LRRTM3: variants seen among roughly 807,000 people sequenced by gnomAD.
LRRTM3 encodes leucine-rich repeat transmembrane neuronal protein 3.
A neutral mutation model predicts 44.7 loss-of-function variants in LRRTM3; 24 were observed. That is an observed-to-expected ratio of 0.54 (90% CI 0.39 to 0.76). The LOEUF is 0.76. Ranked by LOEUF, LRRTM3 falls within the 30% of genes least tolerant of loss-of-function variation. The pLI is 0.00. For missense variants in LRRTM3, 587 were observed against 702.2 expected, an observed-to-expected ratio of 0.84 and a Z score of 1.85; for synonymous variants, 277 against 278.7, an observed-to-expected ratio of 0.99 and a Z score of 0.06.
At chr10:66,960,134 C>T (rs886341655) in intron 2 of LRRTM3, among the ~76,000 whole-genome samples, 1 of 152,100 alleles carries the variant, frequency 6.6e-6, no homozygotes, top group Non-Finnish European at 1.5e-5. Flanking sequence ...TTTCCTCAAG[C>T]TCTCTGCCTT....
intron 2 of LRRTM3, among the ~76,000 whole-genome samples, chr10:67,010,038 A>G (rs1852224411): frequency 6.6e-6 from 1 of 152,102 alleles, no homozygotes; most frequent in Non-Finnish European, 1.5e-5. Flanking sequence ...CCATTACTAT[A>G]TATCTCTTCC....
At chr10:67,014,375 A>G (rs1279584624) in intron 2 of LRRTM3, among the ~76,000 whole-genome samples, 1 of 152,184 alleles carries the variant, frequency 6.6e-6, no homozygotes, top group Non-Finnish European at 1.5e-5. Context: ...ACTACTGTAT[A>G]CTTCCTAATT....
intron 2 of LRRTM3, among the ~76,000 whole-genome samples, chr10:66,962,604 G>A (rs1026677506): frequency 6.6e-6 from 1 of 151,716 alleles, no homozygotes; most frequent in African/African-American, 2.4e-5. Flanking sequence ...GTAGAGATGG[G>A]ATTTCACCAT....
intron 2 of LRRTM3, among the ~76,000 whole-genome samples, chr10:66,981,191 A>G (rs1589540894): frequency 6.6e-6 from 1 of 152,242 alleles, no homozygotes; most frequent in Non-Finnish European, 1.5e-5. Flanking sequence ...GGCGTGAGCC[A>G]CCGCGCCCAG....
intron 2 of LRRTM3, among the ~76,000 whole-genome samples, chr10:66,981,254 T>A (rs1850424388): frequency 6.6e-6 from 1 of 152,220 alleles, no homozygotes; most frequent in Non-Finnish European, 1.5e-5. Flanking sequence ...CTGACTACAG[T>A]TAAGCATCCT....
At chr10:66,945,085 A>G (rs976936483) in intron 2 of LRRTM3, among the ~76,000 whole-genome samples, 3 of 152,182 alleles carry the variant, frequency 2.0e-5, no homozygotes, top group Non-Finnish European at 4.4e-5. Flanking sequence ...CAGCAGCTGC[A>G]CTAGCCTCTA....
rs142962290 is a variant in LRRTM3 at position 67,010,566 on chromosome 10, C to T, written c.1536+82114C>T. On this transcript the variant is annotated intron_variant, in intron 2 of 2. Coordinates refer to ENST00000361320, the MANE Select transcript of LRRTM3 (RefSeq NM_178011.5). ...AGAAGAAGAGTGGGGGGAGCACTAG[C>T]TACAATCATCCTCTTTTAATAAGAA... Among the ~76,000 whole-genome samples the T allele has an allele frequency of 2.2e-3, 328 of 152,266 alleles. 1 individual carries two copies. Among genetic ancestry groups the T allele is most frequent in the African/African-American group, 7.4e-3 (307 of 41,570 alleles).
intron 1 of LRRTM3, 31 bp from the exon 2 acceptor site, chr10:66,926,890 G>A (rs757898020): frequency 1.3e-6 from 2 of 1,523,186 alleles, no homozygotes; most frequent in South Asian, 1.3e-5. Flanking sequence ...TTTTTGGGGG[G>A]ATAACTTTTC....
chr10:67,023,299 A>G (rs1328368405), intron 2 of LRRTM3, among the ~76,000 whole-genome samples: 1 of 152,134 alleles, frequency 6.6e-6, no homozygotes, highest in African/African-American at 2.4e-5. Context: ...AACTGCTGAA[A>G]AGGTTCTATG....
intron 2 of LRRTM3, among the ~76,000 whole-genome samples, chr10:66,943,649 A>T (rs1220536018): frequency 6.6e-6 from 1 of 152,298 alleles, no homozygotes; most frequent in East Asian, 1.9e-4. Flanking sequence ...TCAAGAATTA[A>T]ACATGCTACT....
intron 2 of LRRTM3, among the ~76,000 whole-genome samples, chr10:66,944,199 G>A (rs768346720): frequency 1.3e-5 from 2 of 152,104 alleles, no homozygotes; most frequent in Admixed American, 6.5e-5. Context: ...CATCAAATAA[G>A]TTTATAAGTT....
chr10:66,936,834 C>T (rs1847728873), intron 2 of LRRTM3, among the ~76,000 whole-genome samples: 1 of 152,132 alleles, frequency 6.6e-6, no homozygotes, highest in South Asian at 2.1e-4. Flanking sequence ...AGCAGGATTA[C>T]TGTCCCTTCC....
At chr10:66,985,464 G>T (rs916554659) in intron 2 of LRRTM3, among the ~76,000 whole-genome samples, 1 of 152,104 alleles carries the variant, frequency 6.6e-6, no homozygotes, top group Non-Finnish European at 1.5e-5. Flanking sequence ...GGAGCTGGCA[G>T]GGAGGATCCA....
intron 2 of LRRTM3, among the ~76,000 whole-genome samples, chr10:67,040,362 A>C (rs1423712577): frequency 6.6e-6 from 1 of 152,118 alleles, no homozygotes; most frequent in Non-Finnish European, 1.5e-5. Flanking sequence ...AGTAGTAACT[A>C]GGTAAAGATT....
intron 2 of LRRTM3, among the ~76,000 whole-genome samples, chr10:67,039,936 A>C (rs1263636786): frequency 6.6e-6 from 1 of 152,060 alleles, no homozygotes; most frequent in South Asian, 2.1e-4. Context: ...CAACCCACCA[A>C]TCTGTCATAA....
rs1390190146 is a variant in LRRTM3, at chr10:67,098,390, T to A, written c.*594T>A. The A allele has an allele frequency of 6.6e-6, 1 of 152,298 alleles. No individual in the cohort carries two copies. The highest frequency in any genetic ancestry group is 1.5e-5 in the Non-Finnish European group (1 of 67,906). The allele number at this position is 152,298 out of a possible 1,614,324, so 9.4% of individuals were successfully genotyped here. Reference sequence around the variant, plus strand: ...ATCTACTTGTTCCAGAAATAATACATTAACCAAAAAGGATTTAATTGTTCA... The same window carrying A: ...ATCTACTTGTTCCAGAAATAATACAATAACCAAAAAGGATTTAATTGTTCA... On this transcript the variant is annotated 3_prime_UTR_variant, in exon 3 of 3. Coordinates refer to ENST00000361320, the MANE Select transcript of LRRTM3 (RefSeq NM_178011.5).
At chr10:66,972,958 T>C (rs1448209182) in intron 2 of LRRTM3, among the ~76,000 whole-genome samples, 1 of 152,052 alleles carries the variant, frequency 6.6e-6, no homozygotes, top group African/African-American at 2.4e-5. Flanking sequence ...ATAAATACAG[T>C]AGAGAGAAAT....
At chr10:67,042,462 T>C (rs537145047) in intron 2 of LRRTM3, among the ~76,000 whole-genome samples, 3 of 152,274 alleles carry the variant, frequency 2.0e-5, no homozygotes, top group Admixed American at 6.5e-5. Flanking sequence ...TCTAAGCATG[T>C]AGATTTTTAG....
chr10:67,036,120 A>C (rs2133126809), intron 2 of LRRTM3, among the ~76,000 whole-genome samples: 1 of 152,236 alleles, frequency 6.6e-6, no homozygotes, highest in Non-Finnish European at 1.5e-5. Context: ...TCTCAATTAT[A>C]ATTGTTTTAC....
Sources: allele counts gnomAD v4.1 joint callset (sites outside exome capture counted in the v4.1 genomes callset), GRCh38; gene constraint gnomAD v4.1.1; transcripts MANE v1.5; gene names NCBI Gene and HGNC (gene_info 2026-07-23, HGNC 2026-07-21).